Variants in RABGAP1L observed in about 807,000 individuals in gnomAD.
RABGAP1L encodes the protein RAB GTPase activating protein 1 like.
A neutral mutation model predicts 137.7 loss-of-function variants in RABGAP1L; 63 were observed. That is an observed-to-expected ratio of 0.46 (90% CI 0.37 to 0.56). The LOEUF (loss-of-function observed/expected upper bound fraction) is 0.56, where lower values mean the gene tolerates loss of function less well. Among genes scored for constraint, RABGAP1L ranks in the 20% least tolerant of loss-of-function variants. The probability of loss-of-function intolerance (pLI) is 0.00; values close to 1 mark genes in which losing one functional copy is unlikely to be tolerated. For missense variants in RABGAP1L, 1,095 were observed against 1,244.0 expected, an observed-to-expected ratio of 0.88 and a Z score of 1.80; for synonymous variants, 431 against 433.7, an observed-to-expected ratio of 0.99 and a Z score of 0.08.
intron 13 of RABGAP1L, among the ~76,000 whole-genome samples, chr1:174,481,641 TAAAA>T (rs1170596535): frequency 6.6e-6 from 1 of 151,974 alleles, no homozygotes; most frequent in Non-Finnish European, 1.5e-5. Flanking sequence ...TAGCAGATGT[TAAAA>T]AAATAAAAAA....
chr1:174,668,775 A>G (rs990187259), intron 14 of RABGAP1L, among the ~76,000 whole-genome samples: 6 of 152,128 alleles, frequency 3.9e-5, no homozygotes, highest in Non-Finnish European at 8.8e-5. Flanking sequence ...AACAGTTGTT[A>G]TCTTTTGTCT....
At chr1:174,616,830 T>C (rs1169959393) in intron 13 of RABGAP1L, among the ~76,000 whole-genome samples, 1 of 152,244 alleles carries the variant, frequency 6.6e-6, no homozygotes, top group Admixed American at 6.5e-5. Flanking sequence ...TGCTGGTGGC[T>C]ACATAGACAC....
At chr1:174,565,996 C>T (rs1667558760) in intron 13 of RABGAP1L, among the ~76,000 whole-genome samples, 1 of 151,718 alleles carries the variant, frequency 6.6e-6, no homozygotes, top group South Asian at 2.1e-4. Context: ...GTGATATTCC[C>T]ACCTCAGTTC....
intron 13 of RABGAP1L, among the ~76,000 whole-genome samples, chr1:174,542,476 TTCTC>T (rs1251219481): frequency 1.3e-5 from 2 of 152,216 alleles, no homozygotes; most frequent in Admixed American, 6.5e-5. Flanking sequence ...TATTTGATTC[TTCTC>T]TCTTTTTTTC....
chr1:174,899,314 G>T (rs1657751147), intron 19 of RABGAP1L, among the ~76,000 whole-genome samples: 1 of 152,146 alleles, frequency 6.6e-6, no homozygotes, highest in Non-Finnish European at 1.5e-5. Context: ...TTAAAATTAG[G>T]CTGGAGAAGA....
rs1364164406 is a variant in RABGAP1L, at chr1:174,631,518, G to A, written c.1711-5857G>A. On this transcript the variant is annotated intron_variant, in intron 13 of 25. Coordinates refer to ENST00000681986, the MANE Select transcript of RABGAP1L (RefSeq NM_001366446.1). Reference sequence around the variant, plus strand: ...TGTTAAAGTCTCCCATTATTAATGTGTGGGAGTCTAAGTCTCTTTGTAGGT... The same window carrying A: ...TGTTAAAGTCTCCCATTATTAATGTATGGGAGTCTAAGTCTCTTTGTAGGT... Among the ~76,000 whole-genome samples, 299 of 80,256 alleles carry A rather than the reference G, an allele frequency of 3.7e-3. 7 individuals carry two copies. Among genetic ancestry groups the A allele is most frequent in the African/African-American group, 0.023 (287 of 12,270 alleles). 52.7% of individuals were successfully genotyped at this position (80,256 alleles called of 152,430 possible). A position where few individuals can be genotyped will look rare whatever the true frequency, so the allele number is the denominator to read the frequency against.
rs1684696430 is a variant in RABGAP1L at position 174,755,730 on chromosome 1, A to C, written c.2211+3376A>C. On this transcript the variant is annotated intron_variant, in intron 18 of 25. Transcript: ENST00000681986. Reference sequence around the variant, plus strand: ...TATATATGTATGTATGTATATTTTTAATCTGAGTTTGAGATAAGATGGGAA... The same window carrying C: ...TATATATGTATGTATGTATATTTTTCATCTGAGTTTGAGATAAGATGGGAA... Among the ~76,000 whole-genome samples, 2 of 152,158 alleles carry C rather than the reference A, an allele frequency of 1.3e-5. 1 individual carries two copies. Among genetic ancestry groups the C allele is most frequent in the South Asian group, 4.1e-4 (2 of 4,830 alleles).
chr1:174,526,028 A>G (rs1663844303), intron 13 of RABGAP1L, among the ~76,000 whole-genome samples: 1 of 152,112 alleles, frequency 6.6e-6, no homozygotes, highest in African/African-American at 2.4e-5. Flanking sequence ...CCTGATGATT[A>G]GTGATGTTGA....
chr1:174,240,234 T>C (rs1446806155), intron 4 of RABGAP1L, among the ~76,000 whole-genome samples: 1 of 151,988 alleles, frequency 6.6e-6, no homozygotes, highest in Non-Finnish European at 1.5e-5. Context: ...TGTTTTGTTT[T>C]GTTTTTGTTT....
intron 11 of RABGAP1L, among the ~76,000 whole-genome samples, chr1:174,319,848 T>G (rs1487861160): frequency 6.6e-6 from 1 of 152,200 alleles, no homozygotes; most frequent in Non-Finnish European, 1.5e-5. Context: ...AATTGATTTT[T>G]GAATGTTCCT....
intron 18 of RABGAP1L, among the ~76,000 whole-genome samples, chr1:174,805,588 A>G (rs946915492): frequency 3.3e-5 from 5 of 152,132 alleles, no homozygotes; most frequent in Non-Finnish European, 7.4e-5. Flanking sequence ...TGCAACCTCC[A>G]TCTCCTGGGT....
At chr1:174,772,522 C>T (rs1448992525) in intron 18 of RABGAP1L, among the ~76,000 whole-genome samples, 3 of 133,420 alleles carry the variant, frequency 2.2e-5, no homozygotes, top group South Asian at 2.4e-4. Context: ...GAGCTGAGAT[C>T]GCACCACTGC....
rs918203638 is a variant in RABGAP1L, at chr1:174,895,443, G to GT, written c.2341-62005dup. Among the ~76,000 whole-genome samples the GT allele has an allele frequency of 1.6e-3, 240 of 145,736 alleles. 4 individuals carry two copies. Among genetic ancestry groups the GT allele is most frequent in the Non-Finnish European group, 2.1e-3 (137 of 66,540 alleles). ...TTTTTTTTTTTTTTTGCTTTTGGAA[G>GT]TTTTTTTTTATTATTATACTTTAAG... On this transcript the variant is annotated intron_variant, in intron 19 of 25. Transcript: ENST00000681986.
intron 13 of RABGAP1L, chr1:174,546,017 A>G (rs2147959532): frequency 6.6e-6 from 1 of 152,342 alleles, no homozygotes; most frequent in East Asian, 1.9e-4. Context: ...TCATAAAGAA[A>G]AAAAGAATCT....
intron 15 of RABGAP1L, among the ~76,000 whole-genome samples, chr1:174,694,361 C>T (rs1270641503): frequency 6.7e-6 from 1 of 149,838 alleles, no homozygotes; most frequent in African/African-American, 2.5e-5. Context: ...CCCCCCAACC[C>T]ACAACAGTCC....
At chr1:174,232,194 C>T (rs1670721647) in intron 4 of RABGAP1L, among the ~76,000 whole-genome samples, 1 of 152,150 alleles carries the variant, frequency 6.6e-6, no homozygotes, top group South Asian at 2.1e-4. Context: ...ATTACCTCAG[C>T]TGAACCTTTA....
intron 20 of RABGAP1L, among the ~76,000 whole-genome samples, chr1:174,959,147 C>T (rs553876401): frequency 6.6e-6 from 1 of 152,330 alleles, no homozygotes; most frequent in African/African-American, 2.4e-5. Context: ...ACTTCTATAG[C>T]AGATAACTAT....
chr1:174,749,204 C>T (rs1684137834), intron 17 of RABGAP1L, among the ~76,000 whole-genome samples: 1 of 151,186 alleles, frequency 6.6e-6, no homozygotes, highest in African/African-American at 2.4e-5. Context: ...AAAGAAAAGA[C>T]ATCAGTCAAT....
At chr1:174,885,822 C>T (rs374459925) in intron 19 of RABGAP1L, among the ~76,000 whole-genome samples, 2 of 151,946 alleles carry the variant, frequency 1.3e-5, no homozygotes, top group East Asian at 2.0e-4. Flanking sequence ...AAAAAATTAG[C>T]CGGGCATGGT....
Sources: allele counts gnomAD v4.1 joint callset (sites outside exome capture counted in the v4.1 genomes callset), GRCh38; gene constraint gnomAD v4.1.1; transcripts MANE v1.5; gene names NCBI Gene and HGNC (gene_info 2026-07-23, HGNC 2026-07-21).